The following SLC24A2 variants were observed in gnomAD, a reference collection of about 807,000 sequenced individuals.
SLC24A2 encodes sodium/potassium/calcium exchanger 2.
Under a neutral mutation model 62.0 loss-of-function variants are expected in SLC24A2, and 36 were observed. The observed-to-expected ratio is 0.58, with a 90% CI of 0.44 to 0.77. SLC24A2 has a LOEUF of 0.77. Among genes scored for constraint, SLC24A2 ranks in the 30% least tolerant of loss-of-function variants. The pLI is 0.00. For missense variants in SLC24A2, 846 were observed against 817.9 expected (o/e 1.03, Z -0.42); for synonymous variants, 358 against 294.0 (o/e 1.22, Z -2.23).
chr9:20,307,867 T>C, the SLC24A2 span, among the ~76,000 whole-genome samples: 26 of 152,090 alleles, frequency 1.7e-4, no homozygotes, highest in African/African-American at 5.3e-4. Flanking sequence ...GCTGCAGCAA[T>C]TGATTTGACT....
At chr9:19,783,535 C>T (rs1823075515) in intron 2 of SLC24A2, among the ~76,000 whole-genome samples, 1 of 152,136 alleles carries the variant, frequency 6.6e-6, no homozygotes, top group African/African-American at 2.4e-5. Flanking sequence ...GATGACCACA[C>T]TCCAGGATTC....
At chr9:19,724,989 G>A (rs776168502) in intron 2 of SLC24A2, among the ~76,000 whole-genome samples, 24 of 152,092 alleles carry the variant, frequency 1.6e-4, no homozygotes, top group Non-Finnish European at 3.4e-4. Context: ...AGGAGCTCAC[G>A]TGCTTCAAAA....
intron 4 of SLC24A2, 133 bp from the exon 5 acceptor site, chr9:19,597,412 T>A (rs1471310330): frequency 4.2e-6 from 3 of 712,428 alleles, no homozygotes; most frequent in African/African-American, 1.8e-5. Context: ...TATGGAGATG[T>A]GCAAACATGG....
At chr9:20,298,199 G>A in the SLC24A2 span, among the ~76,000 whole-genome samples, 1 of 152,170 alleles carries the variant, frequency 6.6e-6, no homozygotes, top group African/African-American at 2.4e-5. Flanking sequence ...CATTGTGAGT[G>A]TGAGGAAATT....
At chr9:20,192,323 C>CT in the SLC24A2 span, among the ~76,000 whole-genome samples, 1 of 151,866 alleles carries the variant, frequency 6.6e-6, no homozygotes, top group African/African-American at 2.4e-5. Context: ...GAAAGTTGCA[C>CT]TAAAGACTAT....
At chr9:19,522,528 ATAG>A (rs1833252343) in intron 9 of SLC24A2, among the ~76,000 whole-genome samples, 1 of 152,244 alleles carries the variant, frequency 6.6e-6, no homozygotes, top group African/African-American at 2.4e-5. Flanking sequence ...TTTATAAGAA[ATAG>A]TATGATTCCT....
intron 2 of SLC24A2, among the ~76,000 whole-genome samples, chr9:19,723,938 T>C (rs376032880): frequency 1.1e-4 from 16 of 152,180 alleles, no homozygotes; most frequent in African/African-American, 3.6e-4. Flanking sequence ...TTTGCCATAC[T>C]ATTTTTTATT....
the SLC24A2 span, among the ~76,000 whole-genome samples, chr9:20,101,975 G>A: frequency 6.6e-6 from 1 of 152,104 alleles, no homozygotes; most frequent in Non-Finnish European, 1.5e-5. Flanking sequence ...TTCTCTTTCA[G>A]TGTTCCTAGG....
At chr9:19,615,786 C>T (rs4425840) in intron 4 of SLC24A2, among the ~76,000 whole-genome samples, 2,612 of 152,214 alleles carry the variant, frequency 0.017, 79 homozygotes, top group African/African-American at 0.06. Flanking sequence ...TCCACAAGGG[C>T]CAGGCGTTTT....
At chr9:19,771,171 G>T (rs1380642826) in intron 2 of SLC24A2, among the ~76,000 whole-genome samples, 1 of 152,188 alleles carries the variant, frequency 6.6e-6, no homozygotes, top group Non-Finnish European at 1.5e-5. Context: ...CTTACTTGGG[G>T]CTTGTCTCCC....
chr9:19,960,571 G>A, the SLC24A2 span, among the ~76,000 whole-genome samples: 1 of 152,180 alleles, frequency 6.6e-6, no homozygotes, highest in African/African-American at 2.4e-5. Context: ...CCCATAAAAT[G>A]GGGGTAATAA....
chr9:20,259,964 G>T, the SLC24A2 span, among the ~76,000 whole-genome samples: 1 of 152,116 alleles, frequency 6.6e-6, no homozygotes, highest in East Asian at 1.9e-4. Context: ...TACATCCGTA[G>T]TCCCAGCTAC....
chr9:20,168,330 T>G, the SLC24A2 span, among the ~76,000 whole-genome samples: 2 of 152,028 alleles, frequency 1.3e-5, no homozygotes, highest in African/African-American at 4.8e-5. Context: ...TAAAAAAGTA[T>G]GGGATATGAC....
In SLC24A2 at chr9:19,527,299, G is replaced by A. The variant is rs1006123339; in HGVS notation, c.1569+750C>T. Among the ~76,000 whole-genome samples the A allele has an allele frequency of 2.6e-5, 4 of 152,140 alleles. No homozygotes were observed. In the East Asian group the frequency reaches 7.7e-4, roughly 29 times the overall value. On this transcript the variant is annotated intron_variant, in intron 9 of 10. Transcript: ENST00000341998. ...GGGTTAAAATCTCAGTTCTACCTAT[G>A]TGATTTTGGGTAATCTTACCAACTT...
intron 2 of SLC24A2, among the ~76,000 whole-genome samples, chr9:19,761,464 AT>A (rs757053703): frequency 7.6e-6 from 1 of 131,138 alleles, no homozygotes. Context: ...TCATTTTTTA[AT>A]TTTTTTATTT....
chr9:20,089,879 A>T, the SLC24A2 span, among the ~76,000 whole-genome samples: 2 of 151,854 alleles, frequency 1.3e-5, no homozygotes, highest in African/African-American at 4.8e-5. Context: ...CTGCTCCCCA[A>T]CAAGCGCAAC....
the SLC24A2 span, among the ~76,000 whole-genome samples, chr9:19,852,513 G>A: frequency 6.6e-6 from 1 of 152,008 alleles, no homozygotes; most frequent in African/African-American, 2.4e-5. Flanking sequence ...ATAAGGAAGG[G>A]GTGCACTTTC....
chr9:19,533,825 C>A (rs1400407190), intron 8 of SLC24A2, among the ~76,000 whole-genome samples: 1 of 152,222 alleles, frequency 6.6e-6, no homozygotes, highest in Admixed American at 6.5e-5. Context: ...AAGGTCAAAT[C>A]TAACAAAAAT....
At chr9:20,057,982 C>A in the SLC24A2 span, among the ~76,000 whole-genome samples, 2 of 152,088 alleles carry the variant, frequency 1.3e-5, no homozygotes, top group Non-Finnish European at 1.5e-5. Flanking sequence ...CCTTCAGAAG[C>A]CCTTTCTTTG....
Sources: gnomAD v4.1 joint callset for allele counts (sites outside exome capture counted in the v4.1 genomes callset) on GRCh38, gnomAD v4.1.1 for gene constraint, MANE v1.5 for transcripts, NCBI Gene and HGNC (gene_info 2026-07-23, HGNC 2026-07-21) for gene names.